The following CACNA2D1 variants were observed in gnomAD, a reference collection of about 807,000 sequenced individuals.
CACNA2D1 encodes calcium voltage-gated channel auxiliary subunit alpha2delta 1.
CACNA2D1 carries 53 observed loss-of-function variants against 171.5 expected under a neutral mutation model. The ratio of observed to expected loss-of-function variants is 0.31; its 90% confidence interval spans 0.25 to 0.39. The LOEUF (loss-of-function observed/expected upper bound fraction) is 0.39, where lower values mean the gene tolerates loss of function less well. Ranked by LOEUF, CACNA2D1 falls within the 10% of genes least tolerant of loss-of-function variation. CACNA2D1 has a pLI of 1.00. For missense variants in CACNA2D1, 903 were observed against 1,299.8 expected (o/e 0.69, Z 4.69); for synonymous variants, 442 against 443.1 (o/e 1.00, Z 0.03).
At chr7:82,302,641 G>A (rs185199425) in intron 3 of CACNA2D1, among the ~76,000 whole-genome samples, 140 of 152,098 alleles carry the variant, frequency 9.2e-4, no homozygotes, top group African/African-American at 3.1e-3. Context: ...TCGAACTCCC[G>A]ACCGACCTCA....
In CACNA2D1 at chr7:82,386,291, T is replaced by C. The variant is rs142337393; in HGVS notation, c.96-36642A>G. 1.3e-3 allele frequency among the ~76,000 whole-genome samples: 196 copies of C among 152,306 alleles called. 1 individual carries two copies. Among genetic ancestry groups the C allele is most frequent in the African/African-American group, 4.4e-3 (182 of 41,576 alleles). On this transcript the variant is annotated intron_variant, in intron 1 of 38. Transcript: ENST00000356860. ...TCTTACTTTGAGCTGCATTCTCCTA[T>C]GGACACTTTTACATAAAATACAACC...
At chr7:82,140,400 C>T (rs910961307) in intron 4 of CACNA2D1, among the ~76,000 whole-genome samples, 4 of 152,050 alleles carry the variant, frequency 2.6e-5, no homozygotes, top group African/African-American at 7.2e-5. Flanking sequence ...TTTCCCAAAC[C>T]CCAAATTTTC....
intron 3 of CACNA2D1, among the ~76,000 whole-genome samples, chr7:82,289,933 C>T (rs1053873648): frequency 6.6e-6 from 1 of 152,220 alleles, no homozygotes; most frequent in Non-Finnish European, 1.5e-5. Flanking sequence ...CCTCATCTTA[C>T]CCTTAACTTT....
intron 21 of CACNA2D1, among the ~76,000 whole-genome samples, chr7:81,988,107 G>A (rs1239137515): frequency 6.6e-6 from 1 of 152,114 alleles, no homozygotes; most frequent in South Asian, 2.1e-4. Context: ...CATTGTAAGG[G>A]TCAAAAGAAC....
chr7:82,218,037 C>A (rs1801352801), intron 3 of CACNA2D1, among the ~76,000 whole-genome samples: 1 of 151,798 alleles, frequency 6.6e-6, no homozygotes, highest in Non-Finnish European at 1.5e-5. Flanking sequence ...CGGGTTCATG[C>A]CATTCTCCTG....
chr7:82,370,813 T>C (rs1275821306), intron 1 of CACNA2D1, among the ~76,000 whole-genome samples: 1 of 152,156 alleles, frequency 6.6e-6, no homozygotes, highest in African/African-American at 2.4e-5. Context: ...GGGAACTCCT[T>C]AAACAGTTTA....
At chr7:82,107,967 A>G (rs967729285) in intron 6 of CACNA2D1, among the ~76,000 whole-genome samples, 6 of 152,172 alleles carry the variant, frequency 3.9e-5, no homozygotes, top group South Asian at 2.1e-4. Context: ...TTGAATCTCC[A>G]GGAAAGTCAT....
chr7:82,325,384 G>A (rs1816522062), intron 3 of CACNA2D1, among the ~76,000 whole-genome samples: 1 of 152,068 alleles, frequency 6.6e-6, no homozygotes, highest in Non-Finnish European at 1.5e-5. Context: ...CAAGCTGTAG[G>A]GCAAGCAAAA....
At chr7:82,056,659 G>A (rs1402843786) in intron 10 of CACNA2D1, among the ~76,000 whole-genome samples, 1 of 152,084 alleles carries the variant, frequency 6.6e-6, no homozygotes, top group Non-Finnish European at 1.5e-5. Flanking sequence ...CCTCATTATA[G>A]TACCACTTCT....
At chr7:82,157,353 G>T (rs2129124727) in intron 4 of CACNA2D1, among the ~76,000 whole-genome samples, 1 of 152,106 alleles carries the variant, frequency 6.6e-6, no homozygotes. Context: ...TGATGAAAAT[G>T]GCTTATAATG....
intron 38 of CACNA2D1, among the ~76,000 whole-genome samples, chr7:81,955,905 T>TGGGGGGG (rs59823054): frequency 1.9e-5 from 1 of 53,936 alleles, no homozygotes; most frequent in Non-Finnish European, 3.5e-5. Flanking sequence ...GTTATTTTGG[T>TGGGGGGG]GGGGGGGGGG....
chr7:82,370,548 G>GGGATGGAT (rs372328517), intron 1 of CACNA2D1, among the ~76,000 whole-genome samples: 1 of 73,024 alleles, frequency 1.4e-5, no homozygotes, highest in Non-Finnish European at 3.6e-5. Context: ...GGTAAATGGA[G>GGGATGGAT]GGATGGATGG....
chr7:82,314,374 T>C (rs775190333), intron 3 of CACNA2D1, among the ~76,000 whole-genome samples: 4 of 152,192 alleles, frequency 2.6e-5, no homozygotes, highest in Non-Finnish European at 2.9e-5. Context: ...CATTATCGAA[T>C]GTGAGAGAGC....
chr7:82,204,760 T>C (rs1799835398), intron 3 of CACNA2D1, among the ~76,000 whole-genome samples: 1 of 152,090 alleles, frequency 6.6e-6, no homozygotes, highest in South Asian at 2.1e-4. Flanking sequence ...CCAGAGCCTA[T>C]GTATAAGGCC....
At chr7:82,422,475 C>T (rs1355336424) in intron 1 of CACNA2D1, among the ~76,000 whole-genome samples, 1 of 152,078 alleles carries the variant, frequency 6.6e-6, no homozygotes, top group Non-Finnish European at 1.5e-5. Flanking sequence ...TCTTCTTGAC[C>T]TGACATTGTA....
At chr7:82,291,474 T>C (rs1279885086) in intron 3 of CACNA2D1, among the ~76,000 whole-genome samples, 7 of 134,708 alleles carry the variant, frequency 5.2e-5, no homozygotes, top group African/African-American at 1.9e-4. Context: ...ATATAATATA[T>C]AAAAATATAT....
chr7:81,997,050 A>G, intron 19 of CACNA2D1, 129 bp downstream of exon 19: 1 of 708,176 alleles, frequency 1.4e-6, no homozygotes, highest in Admixed American at 2.0e-5. Context: ...GACAAAGAAC[A>G]TTCATCTTTG....
chr7:82,079,138 A>G (rs1418632677), intron 7 of CACNA2D1, among the ~76,000 whole-genome samples: 11 of 152,198 alleles, frequency 7.2e-5, no homozygotes, highest in Admixed American at 6.5e-4. Flanking sequence ...CAGTGTTTCT[A>G]TGTATTTTAA....
intron 8 of CACNA2D1, among the ~76,000 whole-genome samples, chr7:82,066,183 C>G (rs1192134593): frequency 6.6e-6 from 1 of 152,060 alleles, no homozygotes; most frequent in Non-Finnish European, 1.5e-5. Flanking sequence ...AAATCCATAC[C>G]AGCTAAGAGG....
Sources: allele counts gnomAD v4.1 joint callset (sites outside exome capture counted in the v4.1 genomes callset), GRCh38; gene constraint gnomAD v4.1.1; transcripts MANE v1.5; gene names NCBI Gene and HGNC (gene_info 2026-07-23, HGNC 2026-07-21).